The following UXS1 variants were observed in gnomAD, a reference collection of about 807,000 sequenced individuals.
The protein encoded by UXS1 is UDP-glucuronate decarboxylase 1.
In UXS1, 33 loss-of-function variants were observed where a neutral mutation model predicts 62.6. The ratio of observed to expected loss-of-function variants is 0.53; its 90% CI spans 0.40 to 0.70. The LOEUF is 0.70. Ranked by LOEUF, UXS1 falls within the 30% of genes least tolerant of loss-of-function variation. UXS1 has a pLI of 0.00. For missense variants in UXS1, 434 were observed against 556.3 expected (o/e 0.78, Z 2.21); for synonymous variants, 213 against 206.8 (o/e 1.03, Z -0.26).
At chr2:106,165,162 GT>G (rs1376437314) in intron 2 of UXS1, among the ~76,000 whole-genome samples, 5 of 152,298 alleles carry the variant, frequency 3.3e-5, no homozygotes, top group African/African-American at 1.2e-4. Flanking sequence ...TAAAAATGGA[GT>G]CTTTTAAGTA....
At chr2:106,159,868 T>C (rs1682751600) in intron 4 of UXS1, 1 of 152,208 alleles carries the variant, frequency 6.6e-6, no homozygotes, top group South Asian at 2.1e-4. Context: ...GGCTTTCTAT[T>C]ACAATGCAGA....
chr2:106,106,051 A>G (rs1235382357), intron 10 of UXS1, among the ~76,000 whole-genome samples: 1 of 152,132 alleles, frequency 6.6e-6, no homozygotes, highest in Admixed American at 6.5e-5. Flanking sequence ...GGAAAAGGGG[A>G]AGGATCAGGT....
In UXS1 at chr2:106,156,261, A is replaced by G. The variant is rs947982484; in HGVS notation, c.291+1797T>C. ...GAAATTTCTCCAAAGAAGATACAGA[A>G]ATGACCAATAAGCACACAAAAAGAT... is the stretch of plus-strand genomic sequence containing the variant. On this transcript the variant is annotated intron_variant, in intron 5 of 14. Coordinates refer to ENST00000283148, the MANE Select transcript of UXS1 (RefSeq NM_001253875.2). Among the ~76,000 whole-genome samples, 4 of 152,234 alleles carry G rather than the reference A, an allele frequency of 2.6e-5. No individual in the cohort carries two copies. The East Asian group carries it at 7.7e-4, about 29-fold the overall frequency.
At chr2:106,143,302 A>G (rs1558719162) in intron 6 of UXS1, among the ~76,000 whole-genome samples, 3 of 146,870 alleles carry the variant, frequency 2.0e-5, no homozygotes, top group East Asian at 2.1e-4. Flanking sequence ...CCAGCTACTC[A>G]GGAGGCTGAG....
At chr2:106,190,765 G>C (rs910107251) in intron 1 of UXS1, among the ~76,000 whole-genome samples, 1 of 104,054 alleles carries the variant, frequency 9.6e-6, no homozygotes, top group African/African-American at 3.5e-5. Flanking sequence ...AAAAAGAAAT[G>C]AAGTGCCTGC....
intron 1 of UXS1, among the ~76,000 whole-genome samples, chr2:106,182,226 G>A (rs759679745): frequency 1.8e-4 from 27 of 152,158 alleles, no homozygotes; most frequent in African/African-American, 2.7e-4. Flanking sequence ...CACATATAAC[G>A]CTAACAATAG....
At chr2:106,096,604 G>A (rs1229843643) in intron 14 of UXS1, 114 bp downstream of exon 14, 28 of 854,052 alleles carry the variant, frequency 3.3e-5, no homozygotes, top group Middle Eastern at 5.8e-4. Context: ...CCTGGATGCC[G>A]AGCCCACCTT....
chr2:106,115,143 TCA>T (rs1224988958), intron 9 of UXS1, among the ~76,000 whole-genome samples: 1 of 152,170 alleles, frequency 6.6e-6, no homozygotes, highest in Non-Finnish European at 1.5e-5. Flanking sequence ...TGGTGGCAGT[TCA>T]GTTGCCACCC....
intron 12 of UXS1, 28 bp downstream of exon 12, chr2:106,101,030 T>C: frequency 6.2e-7 from 1 of 1,613,866 alleles, no homozygotes; most frequent in Non-Finnish European, 8.5e-7. Context: ...TGAGCTGTCC[T>C]GCAGAGTGGA....
At chr2:106,183,271 C>T (rs918850364) in intron 1 of UXS1, 9 of 151,312 alleles carry the variant, frequency 5.9e-5, no homozygotes, top group African/African-American at 2.2e-4. Context: ...GCAAGGTCAC[C>T]CCCAGTATAT....
chr2:106,130,476 A>T (rs1680354647), intron 6 of UXS1, among the ~76,000 whole-genome samples: 1 of 152,244 alleles, frequency 6.6e-6, no homozygotes, highest in Non-Finnish European at 1.5e-5. Flanking sequence ...GAGGAATGCC[A>T]TCCTTCCAGA....
At chr2:106,172,207 C>A (rs1352225673) in intron 1 of UXS1, among the ~76,000 whole-genome samples, 1 of 152,214 alleles carries the variant, frequency 6.6e-6, no homozygotes. Context: ...AAAGGCCTGG[C>A]TGGGTGACAA....
At chr2:106,183,683 A>G (rs377435820) in intron 1 of UXS1, 1 of 152,316 alleles carries the variant, frequency 6.6e-6, no homozygotes, top group East Asian at 1.9e-4. Context: ...AGGTTACTTT[A>G]CAACACACAC....
chr2:106,194,205 CG>C lies in UXS1; in HGVS notation c.36del (p.Val13SerfsTer6), dbSNP rs1685125819. ...AGCAGCTTCATCCTCCTGCGGTTGACGGCAGACACGAGGCGCAGCAGCGCCT... is the reference window on the plus strand; with the variant it reads ...AGCAGCTTCATCCTCCTGCGGTTGACGCAGACACGAGGCGCAGCAGCGCCT... ...VSKALLRLVS[A>X]VNRRRMKLLL... On this transcript the variant is annotated frameshift_variant, in exon 1 of 15. Coordinates refer to ENST00000283148, the MANE Select transcript of UXS1 (RefSeq NM_001253875.2). LOFTEE classifies it high-confidence loss of function. 5 of 1,470,504 alleles carry C rather than the reference CG, an allele frequency of 3.4e-6. No homozygotes were observed. In the African/African-American group the frequency reaches 4.4e-5, roughly 13 times the overall value. The allele number at this position is 1,470,504 out of a possible 1,614,324, so 91.1% of individuals were successfully genotyped here. A position where few individuals can be genotyped will look rare whatever the true frequency, so the allele number is the denominator to read the frequency against.
At chr2:106,157,179 T>C (rs1047035194) in intron 5 of UXS1, among the ~76,000 whole-genome samples, 1 of 152,180 alleles carries the variant, frequency 6.6e-6, no homozygotes, top group Non-Finnish European at 1.5e-5. Flanking sequence ...GTGGTAATGG[T>C]TGCACAACTC....
chr2:106,112,127 A>C (rs993304667), intron 10 of UXS1, among the ~76,000 whole-genome samples: 4 of 152,102 alleles, frequency 2.6e-5, no homozygotes, highest in Admixed American at 2.6e-4. Flanking sequence ...CATCTTTGCC[A>C]CACACTTGGA....
intron 8 of UXS1, among the ~76,000 whole-genome samples, chr2:106,123,319 A>G (rs563892043): frequency 9.9e-5 from 15 of 152,062 alleles, no homozygotes; most frequent in African/African-American, 3.6e-4. Flanking sequence ...AAAGAAAAAG[A>G]TCAGGTCTCC....
At chr2:106,130,631 G>A (rs922186028) in intron 6 of UXS1, among the ~76,000 whole-genome samples, 6 of 152,140 alleles carry the variant, frequency 3.9e-5, no homozygotes, top group Admixed American at 2.0e-4. Context: ...TACTTGCAGG[G>A]GCCCCTCTGC....
intron 1 of UXS1, among the ~76,000 whole-genome samples, chr2:106,191,462 T>C (rs1684931918): frequency 6.6e-6 from 1 of 152,230 alleles, no homozygotes. Context: ...CTGTAACATT[T>C]TTCCCTGCAG....
Sources: allele counts gnomAD v4.1 joint callset (sites outside exome capture counted in the v4.1 genomes callset), GRCh38; gene constraint gnomAD v4.1.1; transcripts MANE v1.5; gene names NCBI Gene and HGNC (gene_info 2026-07-23, HGNC 2026-07-21).